Variants in KIRREL3 observed in about 807,000 individuals in gnomAD.
KIRREL3 encodes kirre like nephrin family adhesion molecule 3.
KIRREL3 carries 36 observed loss-of-function variants against 89.7 expected under a neutral mutation model. The observed-to-expected ratio is 0.40, with a 90% CI of 0.31 to 0.53. The LOEUF is 0.53. KIRREL3 is among the 20% of genes least tolerant of loss of function. The pLI, the probability that KIRREL3 is intolerant of heterozygous loss-of-function variation, is 0.49. For synonymous variants in KIRREL3, 445 were observed against 441.4 expected (o/e 1.01, Z -0.10); for missense variants, 864 against 1,056.6 (o/e 0.82, Z 2.53).
intron 13 of KIRREL3, among the ~76,000 whole-genome samples, chr11:126,434,037 C>T (rs1955230655): frequency 6.6e-6 from 1 of 152,194 alleles, no homozygotes; most frequent in South Asian, 2.1e-4. Flanking sequence ...AGGGGGAGAG[C>T]AGGGGGTCCT....
chr11:126,759,026 A>G (rs895483022), intron 1 of KIRREL3, among the ~76,000 whole-genome samples: 1 of 152,212 alleles, frequency 6.6e-6, no homozygotes, highest in South Asian at 2.1e-4. Flanking sequence ...AACGGTCTCC[A>G]GAGTGGGTCA....
Position 126,622,311 on chromosome 11 carries a change from T to G in KIRREL3, c.56-59399A>C, listed in dbSNP as rs1943604986. 6.6e-6 allele frequency among the ~76,000 whole-genome samples: 1 copy of G among 152,240 alleles called. No individual in the cohort carries two copies. The highest frequency in any genetic ancestry group is 2.4e-5 in the African/African-American group (1 of 41,458). ...AAATGTTAAAAATGGTGACACATTTTATCTCAAGTTGAACTTTGCATCCCC... is the reference window on the plus strand; with the variant it reads ...AAATGTTAAAAATGGTGACACATTTGATCTCAAGTTGAACTTTGCATCCCC... On this transcript the variant is annotated intron_variant, in intron 1 of 16. Coordinates refer to ENST00000525144, the MANE Select transcript of KIRREL3 (RefSeq NM_032531.4). This position sits in a 1 kb window ranked among gnomAD's most constrained non-coding sequence, Gnocchi z 5.2.
At chr11:126,810,563 T>C (rs1446895314) in intron 1 of KIRREL3, among the ~76,000 whole-genome samples, 2 of 151,828 alleles carry the variant, frequency 1.3e-5, no homozygotes, top group East Asian at 1.9e-4. Context: ...ACCCCGTAAA[T>C]GGGAGTATGG....
At chr11:126,529,276 A>G (rs1282372248) in intron 2 of KIRREL3, among the ~76,000 whole-genome samples, 1 of 152,170 alleles carries the variant, frequency 6.6e-6, no homozygotes. Context: ...GGCTATCACC[A>G]TGGAAACCAG....
intron 1 of KIRREL3, among the ~76,000 whole-genome samples, chr11:126,960,430 C>T (rs1241249391): frequency 4.6e-5 from 7 of 152,156 alleles, no homozygotes; most frequent in Admixed American, 4.6e-4. Flanking sequence ...ATTTAAAGTT[C>T]TCCCAGTGCT....
intron 1 of KIRREL3, among the ~76,000 whole-genome samples, chr11:126,618,032 G>C (rs1302419375): frequency 6.6e-6 from 1 of 152,128 alleles, no homozygotes; most frequent in Admixed American, 6.5e-5. Flanking sequence ...CTCATGAATG[G>C]CTTAGCACCA....
At position 126,776,390 on chromosome 11, in the gene KIRREL3, G is replaced by GA. The variant is rs960444059; in HGVS notation, c.56-213479dup. Among the ~76,000 whole-genome samples the GA allele has an allele frequency of 1.4e-4, 21 of 152,302 alleles. No homozygotes were observed. The highest frequency in any genetic ancestry group is 5.1e-4 in the African/African-American group (21 of 41,552). ...CTTACGCAAGTCATGAAACCTCACT[G>GA]AACCAGTTTCCCATTGGTAAATGTG... On this transcript the variant is annotated intron_variant, in intron 1 of 16. Transcript: ENST00000525144. The surrounding 1 kb of genome is among the most constrained non-coding windows in gnomAD (Gnocchi z 4.7).
chr11:126,999,166 G>GTGTGTA lies in KIRREL3; in HGVS notation c.55+1283_55+1288dup, dbSNP rs1346215704. On this transcript the variant is annotated intron_variant, in intron 1 of 16. Coordinates refer to ENST00000525144, the MANE Select transcript of KIRREL3 (RefSeq NM_032531.4). The surrounding 1 kb of genome is among the most constrained non-coding windows in gnomAD (Gnocchi z 5.7). ...AATACATGAGTGTGTGTGTGTGTGT[G>GTGTGTA]TGTGTACATACATTATCATTATACA... 7.9e-5 allele frequency among the ~76,000 whole-genome samples: 12 copies of GTGTGTA among 152,100 alleles called. No individual in the cohort carries two copies. The highest frequency in any genetic ancestry group is 2.9e-4 in the African/African-American group (12 of 41,420).
At chr11:126,598,650 G>C (rs1441453886) in intron 1 of KIRREL3, among the ~76,000 whole-genome samples, 1 of 152,182 alleles carries the variant, frequency 6.6e-6, no homozygotes, top group African/African-American at 2.4e-5. Flanking sequence ...TTTTATGTGA[G>C]AGAAAAGCAA....
intron 4 of KIRREL3, among the ~76,000 whole-genome samples, chr11:126,494,821 T>C (rs1957611522): frequency 1.3e-5 from 2 of 152,200 alleles, no homozygotes; most frequent in African/African-American, 4.8e-5. Context: ...GAAAGATGGA[T>C]GGGCTCCCGA....
rs1957306314 is a variant in KIRREL3, at chr11:126,484,760, C to A, written c.434-11294G>T. On this transcript the variant is annotated intron_variant, in intron 4 of 16. Coordinates refer to ENST00000525144, the MANE Select transcript of KIRREL3 (RefSeq NM_032531.4). The surrounding 1 kb of genome is among the most constrained non-coding windows in gnomAD (Gnocchi z 5.2). The stretch of plus-strand genomic sequence containing the variant: ...GTGCTTTCCCCCTCTTCAGACCCTC[C>A]CCGCCTCCACTTAGGTCTATATTAA... Among the ~76,000 whole-genome samples the A allele has an allele frequency of 6.6e-6, 1 of 151,996 alleles. No individual in the cohort carries two copies. The highest frequency in any genetic ancestry group is 1.5e-5 in the Non-Finnish European group (1 of 68,024).
intron 5 of KIRREL3, among the ~76,000 whole-genome samples, chr11:126,469,673 C>T (rs1184526100): frequency 6.6e-6 from 1 of 152,170 alleles, no homozygotes; most frequent in Non-Finnish European, 1.5e-5. Flanking sequence ...GAACCACTGG[C>T]CGTGGGGTGG....
rs1027431526 is a variant in KIRREL3, at chr11:126,744,494, G to A, written c.56-181582C>T. ...AGGTGCGAAATGTATCTTGATGGAAGCAGCACCAAGTTCTGGAGACTGATC... is the reference window on the plus strand; with the variant it reads ...AGGTGCGAAATGTATCTTGATGGAAACAGCACCAAGTTCTGGAGACTGATC... On this transcript the variant is annotated intron_variant, in intron 1 of 16. Transcript: ENST00000525144. This position sits in a 1 kb window ranked among gnomAD's most constrained non-coding sequence, Gnocchi z 4.7. Among the ~76,000 whole-genome samples the A allele has an allele frequency of 6.6e-6, 1 of 152,214 alleles. No individual in the cohort carries two copies. Among genetic ancestry groups the A allele is most frequent in the Admixed American group, 6.5e-5 (1 of 15,292 alleles).
intron 1 of KIRREL3, among the ~76,000 whole-genome samples, chr11:126,849,465 T>A (rs1944263115): frequency 6.6e-6 from 1 of 152,200 alleles, no homozygotes; most frequent in Non-Finnish European, 1.5e-5. Flanking sequence ...CCTGAATTCT[T>A]TCTTATGTGA....
rs80274321 is a variant in KIRREL3 at position 126,878,906 on chromosome 11, G to A, written c.55+121549C>T. ...CTATTTTCGTCCTCAAAGAGAAATGGTGTGGCCAAGAATGTGAGACATCCC... is the reference window on the plus strand; with the variant it reads ...CTATTTTCGTCCTCAAAGAGAAATGATGTGGCCAAGAATGTGAGACATCCC... On this transcript the variant is annotated intron_variant, in intron 1 of 16. Transcript: ENST00000525144. 2.0e-5 allele frequency among the ~76,000 whole-genome samples: 3 copies of A among 152,302 alleles called. No homozygotes were observed. The East Asian group carries it at 5.8e-4, about 29-fold the overall frequency.
chr11:126,498,002 G>C lies in KIRREL3; in HGVS notation c.433+23313C>G, dbSNP rs573923434. 6.6e-6 allele frequency among the ~76,000 whole-genome samples: 1 copy of C among 152,190 alleles called. No homozygotes were observed. Among genetic ancestry groups the C allele is most frequent in the Admixed American group, 6.5e-5 (1 of 15,288 alleles). The stretch of plus-strand genomic sequence containing the variant: ...CTAGGCCCTGCAGATAAGTGAGTCA[G>C]GCATCTGGCTCAGTAAAAAGTGTCT... On this transcript the variant is annotated intron_variant, in intron 4 of 16. Transcript: ENST00000525144. The surrounding 1 kb of genome is among the most constrained non-coding windows in gnomAD (Gnocchi z 4.3).
At chr11:126,863,662 A>C (rs975553825) in intron 1 of KIRREL3, among the ~76,000 whole-genome samples, 11 of 150,974 alleles carry the variant, frequency 7.3e-5, no homozygotes, top group Admixed American at 2.6e-4. Flanking sequence ...TGCGTGTGTG[A>C]GTGTATGTGT....
At chr11:126,895,209 C>T (rs7104734) in intron 1 of KIRREL3, among the ~76,000 whole-genome samples, 1,994 of 151,956 alleles carry the variant, frequency 0.013, 49 homozygotes, top group African/African-American at 0.046. Context: ...ACACCTGTAA[C>T]CCCAGCACTT....
In KIRREL3 at chr11:126,777,498, C is replaced by T. The variant is rs150057776; in HGVS notation, c.56-214586G>A. Among the ~76,000 whole-genome samples the T allele has an allele frequency of 2.5e-3, 376 of 152,256 alleles. 1 individual carries two copies. The highest frequency in any genetic ancestry group is 8.5e-3 in the African/African-American group (354 of 41,556). ...ACTCAAAAAAAACCCCAAAGCATTC[C>T]GGGGTTAGTTAAAAGGCCAGAGCAG... On this transcript the variant is annotated intron_variant, in intron 1 of 16. Coordinates refer to ENST00000525144, the MANE Select transcript of KIRREL3 (RefSeq NM_032531.4).
Sources: allele counts gnomAD v4.1 joint callset (sites outside exome capture counted in the v4.1 genomes callset), GRCh38; gene constraint gnomAD v4.1.1; non-coding constraint Gnocchi (gnomAD v3.1); transcripts MANE v1.5; gene names NCBI Gene and HGNC (gene_info 2026-07-23, HGNC 2026-07-21).